The following EP300 variants were observed in gnomAD, a reference collection of about 807,000 sequenced individuals.
EP300 encodes EP300 lysine acetyltransferase.
EP300 carries 31 observed loss-of-function variants against 264.0 expected under a neutral mutation model. That is an observed-to-expected ratio of 0.12 (90% CI 0.09 to 0.16). EP300 has a LOEUF of 0.16. Ranked by LOEUF, EP300 falls within the 10% of genes least tolerant of loss-of-function variation. The pLI, the probability that EP300 is intolerant of heterozygous loss-of-function variation, is 1.00. For missense variants in EP300, 2,766 were observed against 3,052.9 expected (o/e 0.91, Z 2.21); for synonymous variants, 1,340 against 1,045.4 (o/e 1.28, Z -5.44).
intron 10 of EP300, among the ~76,000 whole-genome samples, chr22:41,144,031 G>A (rs1017183800): frequency 6.6e-6 from 1 of 152,140 alleles, no homozygotes; most frequent in Non-Finnish European, 1.5e-5. Flanking sequence ...GTTGTTAATG[G>A]AGTTGAAGGT....
intron 2 of EP300, among the ~76,000 whole-genome samples, chr22:41,118,734 T>A (rs889877402): frequency 2.0e-5 from 3 of 151,916 alleles, no homozygotes; most frequent in African/African-American, 7.3e-5. Context: ...GGCTAGAGGA[T>A]CGCTTGAGCC....
chr22:41,152,474 C>G (rs1243593744), intron 16 of EP300, 124 bp downstream of exon 16: 2 of 1,125,340 alleles, frequency 1.8e-6, no homozygotes, highest in East Asian at 5.2e-5. Flanking sequence ...ACCTGGAAGC[C>G]CTGGGCCTGG....
At chr22:41,161,315 T>C (rs987775560) in intron 20 of EP300, among the ~76,000 whole-genome samples, 6 of 152,232 alleles carry the variant, frequency 3.9e-5, no homozygotes, top group Non-Finnish European at 5.9e-5. Context: ...TTCAAACATA[T>C]AGTCTAATAG....
At chr22:41,128,122 C>T (rs574118572) in intron 4 of EP300, among the ~76,000 whole-genome samples, 8 of 152,136 alleles carry the variant, frequency 5.3e-5, no homozygotes, top group East Asian at 3.9e-4. Context: ...GCTATGATTG[C>T]GCCACTGTAC....
chr22:41,169,460 C>A (rs754674510), intron 25 of EP300, 43 bp from the exon 26 acceptor site: 2 of 1,282,600 alleles, frequency 1.6e-6, no homozygotes, highest in Non-Finnish European at 2.3e-6. Context: ...CATTATGTGA[C>A]CTGACTTTTT....
chr22:41,176,616 G>T, intron 30 of EP300, 88 bp downstream of exon 30: 1 of 1,606,708 alleles, frequency 6.2e-7, no homozygotes, highest in Non-Finnish European at 8.5e-7. Context: ...AGAGGCCTGT[G>T]GGATGCTAGG....
At chr22:41,113,935 T>G (rs907631703) in intron 1 of EP300, among the ~76,000 whole-genome samples, 2 of 152,264 alleles carry the variant, frequency 1.3e-5, no homozygotes, top group African/African-American at 4.8e-5. Flanking sequence ...TTGTAATTTA[T>G]CACTGCCTGT....
chr22:41,178,965 TGTA>T lies in EP300; in HGVS notation c.*13_*15del, dbSNP rs35508493. The T allele has an allele frequency of 0.28, 449,518 of 1,612,364 alleles. 68,745 individuals are homozygous for T. Among genetic ancestry groups the T allele is most frequent in the Admixed American group, 0.56 (33,182 of 59,678 alleles). On this transcript the variant is annotated 3_prime_UTR_variant, in exon 31 of 31. Transcript: ENST00000263253. ...CACTAGACATACACTAGAGACACCTTGTAGTATTTTGGGAGCAAAAAAATTATT... is the reference window on the plus strand; with the variant it reads ...CACTAGACATACACTAGAGACACCTTGTATTTTGGGAGCAAAAAAATTATT...
At chr22:41,139,453 C>G (rs2058969900) in intron 8 of EP300, among the ~76,000 whole-genome samples, 1 of 152,110 alleles carries the variant, frequency 6.6e-6, no homozygotes, top group Non-Finnish European at 1.5e-5. Flanking sequence ...ATTATATATG[C>G]TCGAGTTTTC....
chr22:41,109,008 C>A (rs762876720), intron 1 of EP300, among the ~76,000 whole-genome samples: 1 of 152,176 alleles, frequency 6.6e-6, no homozygotes, highest in Non-Finnish European at 1.5e-5. Flanking sequence ...CCGTGGCACA[C>A]ATATGTAAGT....
Position 41,137,775 on chromosome 22 carries a change from A to G in EP300, c.1745A>G (p.His582Arg). ...HEDITQDLRN[H>R]LVHKLVQAIF... ...GATATTACTCAGGATCTTCGAAATC[A>G]TCTTGTTCACAAACTGTAAGTAAGA... Residue 582 changes from histidine (H) to arginine (R), a missense_variant, in exon 8 of 31, where the codon CAT becomes CGT. Coordinates refer to ENST00000263253, the MANE Select transcript of EP300 (RefSeq NM_001429.4). The G allele has an allele frequency of 6.2e-7, 1 of 1,614,216 alleles. No individual in the cohort carries two copies. The highest frequency in any genetic ancestry group is 8.5e-7 in the Non-Finnish European group (1 of 1,180,036).
intron 1 of EP300, among the ~76,000 whole-genome samples, chr22:41,096,047 C>T (rs946868981): frequency 1.3e-5 from 2 of 151,968 alleles, no homozygotes; most frequent in Non-Finnish European, 2.9e-5. Context: ...GCCTTCACAC[C>T]TTTATGTTCC....
chr22:41,137,225 C>T (rs145113393), intron 7 of EP300, among the ~76,000 whole-genome samples: 2,684 of 151,646 alleles, frequency 0.018, 72 homozygotes, highest in African/African-American at 0.062. Context: ...GACGTGGTGG[C>T]GGGTGCCTGT....
At chr22:41,172,174 G>T (rs2059174568) in intron 27 of EP300, among the ~76,000 whole-genome samples, 1 of 152,206 alleles carries the variant, frequency 6.6e-6, no homozygotes, top group African/African-American at 2.4e-5. Context: ...GTGATAAGGA[G>T]TGGTAGGGGC....
chr22:41,122,538 TTG>T (rs1321750699), intron 2 of EP300, among the ~76,000 whole-genome samples: 1 of 152,196 alleles, frequency 6.6e-6, no homozygotes, highest in African/African-American at 2.4e-5. Flanking sequence ...AAACTGCCAC[TTG>T]TAAATTACTT....
Position 41,151,673 on chromosome 22 carries a change from A to AG in EP300, c.2818-157dup, listed in dbSNP as rs149738403. ...ATTCTCCTGTTCTTAAGCATAATTA[A>AG]GGGAGGTGAAATGGGCAGAGCAAAT... On this transcript the variant is annotated intron_variant, in intron 14 of 30. Transcript: ENST00000263253. 0.03 allele frequency among the ~76,000 whole-genome samples: 4,617 copies of AG among 152,318 alleles called. 108 individuals are homozygous for AG. Among genetic ancestry groups the AG allele is most frequent in the Middle Eastern group, 0.051 (15 of 294 alleles).
At chr22:41,167,560 TTGTGTGTGTGTGTGTG>T (rs71328777) in intron 23 of EP300, among the ~76,000 whole-genome samples, 6 of 51,090 alleles carry the variant, frequency 1.2e-4, no homozygotes, top group African/African-American at 3.5e-4. Flanking sequence ...GTTTATATAT[TTGTGTGTGTGTGTGTG>T]TGTGTGTGTA....
At chr22:41,094,912 C>A (rs1026638270) in intron 1 of EP300, among the ~76,000 whole-genome samples, 1 of 151,978 alleles carries the variant, frequency 6.6e-6, no homozygotes, top group Non-Finnish European at 1.5e-5. Context: ...TTCTCCATGT[C>A]GGTCTGTTTT....
chr22:41,114,094 A>T lies in EP300; in HGVS notation c.95-3093A>T, dbSNP rs2058808574. Among the ~76,000 whole-genome samples, 2 of 152,190 alleles carry T rather than the reference A, an allele frequency of 1.3e-5. 1 individual carries two copies. Among genetic ancestry groups the T allele is most frequent in the Non-Finnish European group, 2.9e-5 (2 of 68,040 alleles). Reference sequence around the variant, plus strand: ...TAAATCACGTAAGTATAAGGAAATAATGAAGGAACTATATCAGTATATTAA... The same window carrying T: ...TAAATCACGTAAGTATAAGGAAATATTGAAGGAACTATATCAGTATATTAA... On this transcript the variant is annotated intron_variant, in intron 1 of 30. Transcript: ENST00000263253.
Sources: gnomAD v4.1 joint callset for allele counts (sites outside exome capture counted in the v4.1 genomes callset) on GRCh38, gnomAD v4.1.1 for gene constraint, MANE v1.5 for transcripts, NCBI Gene and HGNC (gene_info 2026-07-23, HGNC 2026-07-21) for gene names.